The following FAM135A variants were observed in gnomAD, a reference collection of about 807,000 sequenced individuals.
FAM135A encodes protein FAM135A.
FAM135A carries 79 observed loss-of-function variants against 146.8 expected under a neutral mutation model. That is an observed-to-expected ratio of 0.54 (90% CI 0.45 to 0.65). The LOEUF (loss-of-function observed/expected upper bound fraction) is 0.65. Among genes scored for constraint, FAM135A ranks in the 30% least tolerant of loss-of-function variants. The pLI is 0.00. For synonymous variants in FAM135A, 562 were observed against 603.6 expected (o/e 0.93, Z 1.01); for missense variants, 1,623 against 1,758.2 (o/e 0.92, Z 1.38).
rs1317864506 is a variant in FAM135A at position 70,526,818 on chromosome 6, CATAG to C, written c.3614+125_3614+128del. ...ACACACACACATATATATATAAAAT[CATAG>C]ATAGTGCTAAAGGATTGAGTGTCTA... On this transcript the variant is annotated intron_variant, in intron 15 of 21. Coordinates refer to ENST00000418814, the MANE Select transcript of FAM135A (RefSeq NM_001162529.3). 7.7e-5 allele frequency: 66 copies of C among 853,758 alleles called. 2 individuals carry two copies. The highest frequency in any genetic ancestry group is 4.0e-4 in the African/African-American group (22 of 54,360). The allele number at this position is 853,758 out of a possible 1,614,324, so 52.9% of individuals were successfully genotyped here.
chr6:70,464,711 C>T (rs1459792096), intron 5 of FAM135A, among the ~76,000 whole-genome samples: 2 of 141,082 alleles, frequency 1.4e-5, no homozygotes, highest in East Asian at 2.0e-4. Context: ...TCACTCAGGC[C>T]GAAGTGGTGC....
intron 11 of FAM135A, among the ~76,000 whole-genome samples, chr6:70,498,500 T>C (rs1161733103): frequency 1.3e-5 from 2 of 152,240 alleles, no homozygotes; most frequent in Non-Finnish European, 2.9e-5. Flanking sequence ...ATTTTAGTTA[T>C]TTCTTGTCTT....
intron 5 of FAM135A, among the ~76,000 whole-genome samples, chr6:70,467,407 G>C (rs1231876426): frequency 6.6e-6 from 1 of 151,668 alleles, no homozygotes; most frequent in Non-Finnish European, 1.5e-5. Context: ...CTGGGGTTCT[G>C]ATGGCACATA....
In FAM135A at chr6:70,425,557, C is replaced by T. The variant is rs73474960; in HGVS notation, c.-133-882C>T. The stretch of plus-strand genomic sequence containing the variant: ...GAAAAACTCTGTATCAAAGAGTGAA[C>T]GTGGTCTTTATTCCAACATTTTTAG... On this transcript the variant is annotated intron_variant, in intron 2 of 21. Coordinates refer to ENST00000418814, the MANE Select transcript of FAM135A (RefSeq NM_001162529.3). Among the ~76,000 whole-genome samples, 629 of 152,196 alleles carry T rather than the reference C, an allele frequency of 4.1e-3. 3 individuals carry two copies. The highest frequency in any genetic ancestry group is 0.014 in the African/African-American group (600 of 41,534).
At chr6:70,477,390 C>G (rs1782834964) in intron 8 of FAM135A, 58 bp downstream of exon 8, 25 of 1,519,646 alleles carry the variant, frequency 1.6e-5, no homozygotes, top group Non-Finnish European at 2.2e-5. Flanking sequence ...AAAGAAATAC[C>G]TGAGACTGGT....
Position 70,413,701 on chromosome 6 carries a change from A to G in FAM135A, c.-221A>G. ...GGGGGAAGAGGCCGAGCCGGGCGAG[A>G]GGTAACCCCCTTACTGTCCCCTCTG... On this transcript the variant is annotated splice_region_variant and 5_prime_UTR_variant, in exon 1 of 22. Coordinates refer to ENST00000418814, the MANE Select transcript of FAM135A (RefSeq NM_001162529.3). 1 of 600,324 alleles carries G rather than the reference A, an allele frequency of 1.7e-6. No individual in the cohort carries two copies. The highest frequency in any genetic ancestry group is 2.1e-6 in the Non-Finnish European group (1 of 477,394). The allele number at this position is 600,324 out of a possible 1,614,324, so 37.2% of individuals were successfully genotyped here.
At chr6:70,454,491 G>A (rs1386905430) in intron 5 of FAM135A, among the ~76,000 whole-genome samples, 2 of 152,142 alleles carry the variant, frequency 1.3e-5, no homozygotes, top group Non-Finnish European at 2.9e-5. Context: ...CCATGCCCAT[G>A]TCCTGAATGG....
At chr6:70,443,586 A>G (rs748020832) in intron 4 of FAM135A, among the ~76,000 whole-genome samples, 104 of 152,194 alleles carry the variant, frequency 6.8e-4, no homozygotes, top group Non-Finnish European at 8.8e-4. Context: ...AAGAGTGACT[A>G]TATTTTGTTA....
rs1794432028 is a variant in FAM135A, at chr6:70,525,175, G to A, written c.2091G>A (p.Glu697=). The change falls in exon 15 of 22, where the codon GAG becomes GAA. Residue 697 remains glutamate (E), a synonymous_variant. Transcript: ENST00000418814. ...TGGATAATTTACTACCCAACTTTGA[G>A]TCCTTAGAATCTAATGGTAAATCTA... The part of the protein sequence containing the change: ...ILVDNLLPNF[E]SLESNGKSKS... The A allele has an allele frequency of 6.3e-7, 1 of 1,589,550 alleles. No homozygotes were observed. Among genetic ancestry groups the A allele is most frequent in the Non-Finnish European group, 8.5e-7 (1 of 1,171,564 alleles).
rs1779698717 is a variant in FAM135A, at chr6:70,462,988, G to A, written c.157+10417G>A. ...TTTGCTCAGCCACCAGCTTTTCAGG[G>A]CCTTCCTTTGAGAGCCACTGAAATG... On this transcript the variant is annotated intron_variant, in intron 5 of 21. Coordinates refer to ENST00000418814, the MANE Select transcript of FAM135A (RefSeq NM_001162529.3). Among the ~76,000 whole-genome samples the A allele has an allele frequency of 2.0e-5, 3 of 152,104 alleles. 1 individual carries two copies. The South Asian group carries it at 6.2e-4, about 32-fold the overall frequency.
At position 70,452,668 on chromosome 6, in the gene FAM135A, G is replaced by C. The variant is rs996269912; in HGVS notation, c.157+97G>C. 2.7e-5 allele frequency: 20 copies of C among 743,196 alleles called. No homozygotes were observed. In the African/African-American group the frequency reaches 3.5e-4, roughly 13 times the overall value. The allele number at this position is 743,196 out of a possible 1,614,324, so 46.0% of individuals were successfully genotyped here. ...TTACAGATATAAGATACCTGTAATG[G>C]TATAACATCATTATGATAACCATTG... is the stretch of plus-strand genomic sequence containing the variant. On this transcript the variant is annotated intron_variant, in intron 5 of 21. Coordinates refer to ENST00000418814, the MANE Select transcript of FAM135A (RefSeq NM_001162529.3).
intron 3 of FAM135A, 123 bp from the exon 4 acceptor site, chr6:70,428,181 G>A (rs13202450): frequency 0.38 from 188,125 of 499,854 alleles, 38,514 homozygotes; most frequent in African/African-American, 0.6. Context: ...TAAGTACACT[G>A]AAATAATTTG....
chr6:70,526,659 T>C lies in FAM135A; in HGVS notation c.3575T>C (p.Ile1192Thr). 1 of 1,608,866 alleles carries C rather than the reference T, an allele frequency of 6.2e-7. No individual in the cohort carries two copies. Among genetic ancestry groups the C allele is most frequent in the South Asian group, 1.1e-5 (1 of 89,960 alleles). ...SSTSYNFTSSISWYESSPKPQ... is the reference protein window; with the variant it reads ...SSTSYNFTSSTSWYESSPKPQ... ...ACTTCTTACAACTTCACTTCTTCGA[T>C]TTCCTGGTATGAAAGTTCACCAAAA... is the stretch of plus-strand genomic sequence containing the variant. Residue 1192 changes from isoleucine (I) to threonine (T), a missense_variant, in exon 15 of 22, where the codon ATT becomes ACT. Ile to Thr is a moderately conservative substitution (Grantham distance 89). Transcript: ENST00000418814.
At chr6:70,476,513 TC>T (rs1054558951) in intron 7 of FAM135A, among the ~76,000 whole-genome samples, 3 of 152,072 alleles carry the variant, frequency 2.0e-5, no homozygotes, top group Admixed American at 6.6e-5. Context: ...CTTTTTTTTT[TC>T]ACCAAGTCAG....
chr6:70,531,541 C>T (rs1286630981), intron 16 of FAM135A, among the ~76,000 whole-genome samples: 1 of 152,180 alleles, frequency 6.6e-6, no homozygotes, highest in African/African-American at 2.4e-5. Context: ...AGTCAGAATT[C>T]TGTAGGCTGA....
At chr6:70,521,607 T>C (rs1421910733) in intron 12 of FAM135A, among the ~76,000 whole-genome samples, 3 of 152,216 alleles carry the variant, frequency 2.0e-5, no homozygotes, top group African/African-American at 7.2e-5. Context: ...CTCTAATTTG[T>C]TGGACATTTA....
rs1274997296 is a variant in FAM135A at position 70,561,016 on chromosome 6, A to G, written c.*1095A>G. 2.0e-5 allele frequency: 3 copies of G among 152,588 alleles called. No homozygotes were observed. Among genetic ancestry groups the G allele is most frequent in the Non-Finnish European group, 2.9e-5 (2 of 67,988 alleles). The allele number at this position is 152,588 out of a possible 1,614,324, so 9.5% of individuals were successfully genotyped here. On this transcript the variant is annotated 3_prime_UTR_variant, in exon 22 of 22. Coordinates refer to ENST00000418814, the MANE Select transcript of FAM135A (RefSeq NM_001162529.3). ...GTTTTACTTGTGAAAATAAAAATGCACTAAGGTTGGGTAGAAGTTCTGTTT... is the reference window on the plus strand; with the variant it reads ...GTTTTACTTGTGAAAATAAAAATGCGCTAAGGTTGGGTAGAAGTTCTGTTT...
chr6:70,439,474 C>T (rs961930122), intron 4 of FAM135A, among the ~76,000 whole-genome samples: 1 of 152,146 alleles, frequency 6.6e-6, no homozygotes. Flanking sequence ...AATTATTTCA[C>T]TTTCAACCTT....
At chr6:70,556,272 A>G (rs1402233384) in intron 20 of FAM135A, among the ~76,000 whole-genome samples, 1 of 152,188 alleles carries the variant, frequency 6.6e-6, no homozygotes, top group Non-Finnish European at 1.5e-5. Flanking sequence ...AATAATTTAA[A>G]AAAAGAAAAT....
Sources: allele counts gnomAD v4.1 joint callset (sites outside exome capture counted in the v4.1 genomes callset), GRCh38; gene constraint gnomAD v4.1.1; transcripts MANE v1.5; gene names NCBI Gene and HGNC (gene_info 2026-07-23, HGNC 2026-07-21).